The following PARD3B variants were observed in gnomAD, a reference collection of about 807,000 sequenced individuals.
PARD3B encodes par-3 family cell polarity regulator beta, also known as partitioning defective 3 homolog B.
Under a neutral mutation model 130.2 loss-of-function variants are expected in PARD3B, and 103 were observed. That is an observed-to-expected ratio of 0.79 (90% CI 0.67 to 0.93). The LOEUF (loss-of-function observed/expected upper bound fraction) is 0.93, where lower values mean the gene tolerates loss of function less well. Among genes scored for constraint, PARD3B ranks in the 40% least tolerant of loss-of-function variants. The pLI, the probability that PARD3B is intolerant of heterozygous loss-of-function variation, is 0.00. For synonymous variants in PARD3B, 583 were observed against 553.2 expected (o/e 1.05, Z -0.76); for missense variants, 1,609 against 1,499.2 (o/e 1.07, Z -1.21).
intron 18 of PARD3B, among the ~76,000 whole-genome samples, chr2:205,391,007 A>G (rs965402545): frequency 6.6e-6 from 1 of 152,152 alleles, no homozygotes; most frequent in East Asian, 1.9e-4. Context: ...TTGCCTGTCA[A>G]TGGTAACTTC....
intron 2 of PARD3B, among the ~76,000 whole-genome samples, chr2:204,784,132 GC>G (rs922268806): frequency 6.6e-6 from 1 of 152,162 alleles, no homozygotes; most frequent in Non-Finnish European, 1.5e-5. Flanking sequence ...CACTTGATAA[GC>G]GAGTGATTGT....
chr2:204,801,355 G>A (rs938386053), intron 2 of PARD3B, among the ~76,000 whole-genome samples: 7 of 152,172 alleles, frequency 4.6e-5, no homozygotes, highest in Non-Finnish European at 1.0e-4. Context: ...AGCATGGAAT[G>A]TTTTTCCATT....
At chr2:205,086,308 A>G (rs1230276583) in intron 4 of PARD3B, among the ~76,000 whole-genome samples, 2 of 152,236 alleles carry the variant, frequency 1.3e-5, no homozygotes, top group Non-Finnish European at 2.9e-5. Context: ...GGAAAGCCAT[A>G]TAGTGCAGAC....
chr2:204,894,414 T>C (rs1255484699), intron 2 of PARD3B, among the ~76,000 whole-genome samples: 3 of 151,828 alleles, frequency 2.0e-5, no homozygotes, highest in Admixed American at 6.6e-5. Context: ...TAACAAAACA[T>C]GAAAGATATT....
chr2:204,847,974 C>G (rs1170934573), intron 2 of PARD3B, among the ~76,000 whole-genome samples: 3 of 152,118 alleles, frequency 2.0e-5, no homozygotes, highest in East Asian at 3.8e-4. Context: ...TACAATCATT[C>G]ATCTCACTTC....
At chr2:204,797,058 C>T (rs576792990) in intron 2 of PARD3B, among the ~76,000 whole-genome samples, 2 of 151,508 alleles carry the variant, frequency 1.3e-5, no homozygotes, top group South Asian at 4.2e-4. Flanking sequence ...GCCTGTAGTC[C>T]CAGCTACTCG....
intron 15 of PARD3B, among the ~76,000 whole-genome samples, chr2:205,208,427 TTG>T (rs1559544137): frequency 1.4e-5 from 2 of 143,540 alleles, no homozygotes; most frequent in African/African-American, 5.5e-5. Flanking sequence ...GGAAGTCAAA[TTG>T]TCCCTGTTTG....
chr2:205,348,290 C>T (rs2043868007), intron 18 of PARD3B: 1 of 152,236 alleles, frequency 6.6e-6, no homozygotes, highest in Non-Finnish European at 1.5e-5. Flanking sequence ...AGAACATTTT[C>T]CTTATTACTG....
At chr2:205,256,488 C>G (rs1354360632) in intron 16 of PARD3B, among the ~76,000 whole-genome samples, 2 of 152,048 alleles carry the variant, frequency 1.3e-5, no homozygotes, top group Non-Finnish European at 2.9e-5. Context: ...TGTATAAATG[C>G]AAATGCACAG....
rs1352718315 is a variant in PARD3B at position 204,610,567 on chromosome 2, A to G, written c.120+64448A>G. ...GACTGGGCTTTGCCATCTTGGCCAG[A>G]CATCTTGGTCTCAAACTCCTGACCT... On this transcript the variant is annotated intron_variant, in intron 1 of 22. Coordinates refer to ENST00000406610, the MANE Select transcript of PARD3B (RefSeq NM_001302769.2). The surrounding 1 kb of genome is among the most constrained non-coding windows in gnomAD (Gnocchi z 4.1). 6.6e-6 allele frequency among the ~76,000 whole-genome samples: 1 copy of G among 152,046 alleles called. No individual in the cohort carries two copies. Among genetic ancestry groups the G allele is most frequent in the African/African-American group, 2.4e-5 (1 of 41,426 alleles).
At chr2:204,920,834 A>T (rs1270324838) in intron 2 of PARD3B, among the ~76,000 whole-genome samples, 5 of 152,066 alleles carry the variant, frequency 3.3e-5, no homozygotes, top group Non-Finnish European at 7.4e-5. Flanking sequence ...TAAACATTGG[A>T]TCCATGTCAT....
chr2:204,925,178 G>A (rs553834459), intron 2 of PARD3B, among the ~76,000 whole-genome samples: 3 of 152,124 alleles, frequency 2.0e-5, no homozygotes, highest in Admixed American at 2.0e-4. Flanking sequence ...TGAGTAATAG[G>A]TAGAAAACCC....
In PARD3B at chr2:205,072,611, A is replaced by G. The variant is rs1259389496; in HGVS notation, c.504+24921A>G. On this transcript the variant is annotated intron_variant, in intron 4 of 22. Coordinates refer to ENST00000406610, the MANE Select transcript of PARD3B (RefSeq NM_001302769.2). The stretch of plus-strand genomic sequence containing the variant: ...TATTTCATATCAGTGGTTCACAACT[A>G]TGGTACAGTATAATCTGGATATTTT... Among the ~76,000 whole-genome samples, 5 of 152,330 alleles carry G rather than the reference A, an allele frequency of 3.3e-5. No individual in the cohort carries two copies. In the East Asian group the frequency reaches 5.8e-4, roughly 18 times the overall value.
At chr2:204,872,584 C>T (rs2045671808) in intron 2 of PARD3B, among the ~76,000 whole-genome samples, 2 of 152,064 alleles carry the variant, frequency 1.3e-5, no homozygotes, top group South Asian at 4.1e-4. Context: ...GAGATGTGCC[C>T]AGACTGCTGT....
chr2:205,228,710 C>G (rs1480424176), intron 15 of PARD3B, among the ~76,000 whole-genome samples: 1 of 152,192 alleles, frequency 6.6e-6, no homozygotes, highest in African/African-American at 2.4e-5. Flanking sequence ...CTGTCTCTCT[C>G]TCTGCCTCCT....
intron 3 of PARD3B, among the ~76,000 whole-genome samples, chr2:204,969,224 A>G (rs1691495980): frequency 6.6e-6 from 1 of 152,212 alleles, no homozygotes; most frequent in South Asian, 2.1e-4. Context: ...TTCTCTGTGA[A>G]ACCCCATGGT....
At chr2:204,671,572 T>C (rs2036302754) in intron 1 of PARD3B, among the ~76,000 whole-genome samples, 1 of 152,158 alleles carries the variant, frequency 6.6e-6, no homozygotes, top group African/African-American at 2.4e-5. Flanking sequence ...CTTCCTTGTC[T>C]TTCCTTTTCC....
At chr2:205,339,723 T>C (rs1035116110) in intron 18 of PARD3B, among the ~76,000 whole-genome samples, 2 of 152,188 alleles carry the variant, frequency 1.3e-5, no homozygotes, top group African/African-American at 4.8e-5. Context: ...CTGCTGACTT[T>C]GTTCAGTTAC....
chr2:204,714,026 C>G (rs1046683210), intron 2 of PARD3B, among the ~76,000 whole-genome samples: 1 of 152,086 alleles, frequency 6.6e-6, no homozygotes, highest in African/African-American at 2.4e-5. Flanking sequence ...TATGTATGCA[C>G]ATTTATATTT....
Sources: gnomAD v4.1 joint callset for allele counts (sites outside exome capture counted in the v4.1 genomes callset) on GRCh38, gnomAD v4.1.1 for gene constraint, Gnocchi (gnomAD v3.1) non-coding constraint, MANE v1.5 for transcripts, NCBI Gene and HGNC (gene_info 2026-07-23, HGNC 2026-07-21) for gene names.